Variants in ASTN2 observed in about 807,000 individuals in gnomAD.
The protein encoded by ASTN2 is astrotactin 2, also known as astrotactin-2.
Under a neutral mutation model 139.8 loss-of-function variants are expected in ASTN2, and 54 were observed. That is an observed-to-expected ratio of 0.39 (90% CI 0.31 to 0.48). The LOEUF is 0.48. Among genes scored for constraint, ASTN2 ranks in the 20% least tolerant of loss-of-function variants. The pLI is 0.95. For synonymous variants in ASTN2, 756 were observed against 719.5 expected (o/e 1.05, Z -0.81); for missense variants, 1,565 against 1,725.1 (o/e 0.91, Z 1.64).
intron 20 of ASTN2, among the ~76,000 whole-genome samples, chr9:116,472,788 C>CG (rs1848854840): frequency 6.6e-6 from 1 of 151,538 alleles, no homozygotes; most frequent in Non-Finnish European, 1.5e-5. Flanking sequence ...GTGGCGGCGG[C>CG]GGAGGGGGCA....
chr9:116,445,813 C>T (rs1463424219), intron 20 of ASTN2, among the ~76,000 whole-genome samples: 1 of 152,230 alleles, frequency 6.6e-6, no homozygotes, highest in African/African-American at 2.4e-5. Flanking sequence ...TCAATCTTTG[C>T]TCCCTAAAAG....
At chr9:117,027,121 T>A (rs999348034) in intron 6 of ASTN2, among the ~76,000 whole-genome samples, 3 of 152,140 alleles carry the variant, frequency 2.0e-5, no homozygotes, top group African/African-American at 4.8e-5. Context: ...GTGATGGCAA[T>A]TCCAATAAAA....
intron 16 of ASTN2, among the ~76,000 whole-genome samples, chr9:116,685,311 A>C (rs566423760): frequency 2.0e-5 from 3 of 152,112 alleles, no homozygotes; most frequent in Non-Finnish European, 4.4e-5. Flanking sequence ...GCTTCCCCCA[A>C]CCCACCAAGT....
intron 16 of ASTN2, among the ~76,000 whole-genome samples, chr9:116,661,029 T>C (rs879375799): frequency 1.2e-4 from 18 of 152,126 alleles, no homozygotes; most frequent in Non-Finnish European, 2.4e-4. Flanking sequence ...AGGACACCTG[T>C]CTTCAAGTGA....
chr9:116,750,145 G>T (rs1829358457), intron 13 of ASTN2, among the ~76,000 whole-genome samples: 1 of 152,078 alleles, frequency 6.6e-6, no homozygotes, highest in South Asian at 2.1e-4. Context: ...GCCTTCAGTA[G>T]ACTGGACAGC....
At chr9:117,165,751 T>A (rs1830656850) in intron 3 of ASTN2, among the ~76,000 whole-genome samples, 1 of 152,068 alleles carries the variant, frequency 6.6e-6, no homozygotes, top group Non-Finnish European at 1.5e-5. Flanking sequence ...ACGGAGCAAG[T>A]CACTTCATGC....
At chr9:117,333,896 G>A (rs1427140198) in intron 1 of ASTN2, among the ~76,000 whole-genome samples, 1 of 152,160 alleles carries the variant, frequency 6.6e-6, no homozygotes, top group Non-Finnish European at 1.5e-5. Context: ...CTAGGCCAGG[G>A]CCTGTGTTTC....
chr9:116,953,921 T>C lies in ASTN2; in HGVS notation c.1889+21287A>G, dbSNP rs558175488. On this transcript the variant is annotated intron_variant, in intron 10 of 22. Transcript: ENST00000313400. ...CAGTGGAGTAGAAGGGGTCACACAATGGGCTCAGAGACAGAGAACCTTGTG... is the reference window on the plus strand; with the variant it reads ...CAGTGGAGTAGAAGGGGTCACACAACGGGCTCAGAGACAGAGAACCTTGTG... Among the ~76,000 whole-genome samples, 70 of 152,292 alleles carry C rather than the reference T, an allele frequency of 4.6e-4. 2 individuals are homozygous for C. The highest frequency in any genetic ancestry group is 4.4e-3 in the Admixed American group (67 of 15,296).
intron 7 of ASTN2, among the ~76,000 whole-genome samples, chr9:116,983,885 C>T (rs367802808): frequency 2.0e-5 from 3 of 152,134 alleles, no homozygotes; most frequent in East Asian, 3.9e-4. Context: ...AGCTTAGAGC[C>T]AAGGGCAGCT....
rs1170791936 is a variant in ASTN2 at position 116,565,387 on chromosome 9, CCATATATATATATATATA to C, written c.3355+52919_3355+52936del. On this transcript the variant is annotated intron_variant, in intron 19 of 22. Coordinates refer to ENST00000313400, the MANE Select transcript of ASTN2 (RefSeq NM_001365068.1). ...TCTCTCTCTCTCTCTCTCTCTCTCT[CCATATATATATATATATA>C]TATATATATATATATATATATATAT... Among the ~76,000 whole-genome samples the C allele has an allele frequency of 4.4e-3, 186 of 42,092 alleles. 4 individuals are homozygous for C. The highest frequency in any genetic ancestry group is 0.042 in the Middle Eastern group (2 of 48). The allele number at this position is 42,092 out of a possible 152,430, so 27.6% of individuals were successfully genotyped here.
intron 16 of ASTN2, chr9:116,697,855 A>G (rs1209848331): frequency 6.2e-7 from 1 of 1,614,084 alleles, no homozygotes; most frequent in African/African-American, 1.3e-5. Context: ...AAGCTTCTGC[A>G]CTGTGGCCAT....
chr9:117,245,919 T>C (rs1211287436), intron 2 of ASTN2, among the ~76,000 whole-genome samples: 2 of 152,138 alleles, frequency 1.3e-5, no homozygotes, highest in African/African-American at 4.8e-5. Flanking sequence ...TAGAATCCTG[T>C]GTTTCATGTA....
intron 19 of ASTN2, among the ~76,000 whole-genome samples, chr9:116,535,342 G>A (rs57434747): frequency 0.012 from 1,852 of 152,192 alleles, 32 homozygotes; most frequent in African/African-American, 0.043. Context: ...CTTTTAATTG[G>A]AGCATTTAGC....
chr9:116,527,099 C>T (rs1851127637), intron 19 of ASTN2, among the ~76,000 whole-genome samples: 2 of 152,078 alleles, frequency 1.3e-5, no homozygotes, highest in Non-Finnish European at 2.9e-5. Context: ...TAGAAGAAAA[C>T]AGTGGAAAAG....
intron 16 of ASTN2, among the ~76,000 whole-genome samples, chr9:116,683,090 G>T (rs1329307838): frequency 1.3e-5 from 2 of 151,542 alleles, no homozygotes; most frequent in Admixed American, 1.3e-4. Context: ...GCCCTAAAAT[G>T]TTTTTGTCAT....
chr9:116,455,790 A>G (rs1848314960), intron 20 of ASTN2, among the ~76,000 whole-genome samples: 1 of 152,042 alleles, frequency 6.6e-6, no homozygotes, highest in South Asian at 2.1e-4. Context: ...AATACAATCT[A>G]TTTTTGTAGA....
chr9:116,937,877 A>G (rs1013298700), intron 10 of ASTN2, among the ~76,000 whole-genome samples: 1 of 152,196 alleles, frequency 6.6e-6, no homozygotes, highest in African/African-American at 2.4e-5. Context: ...CATAAAGTTC[A>G]CTGTCTAACA....
At position 116,780,836 on chromosome 9, in the gene ASTN2, T is replaced by C. The variant is rs973645507; in HGVS notation, c.2396+24796A>G. ...GAATGAGTGAATGAATGAATGAATG[T>C]CAAATTCTTTTTTTTTTTTTGAGAT... is the stretch of plus-strand genomic sequence containing the variant. On this transcript the variant is annotated intron_variant, in intron 13 of 22. Coordinates refer to ENST00000313400, the MANE Select transcript of ASTN2 (RefSeq NM_001365068.1). Among the ~76,000 whole-genome samples the C allele has an allele frequency of 3.7e-5, 4 of 108,306 alleles. 1 individual carries two copies. Among genetic ancestry groups the C allele is most frequent in the Non-Finnish European group, 7.6e-5 (4 of 52,686 alleles). 71.1% of individuals were successfully genotyped at this position (108,306 alleles called of 152,430 possible).
In ASTN2 at chr9:117,404,032, A is replaced by G. The variant is rs149398195; in HGVS notation, c.442+10465T>C. On this transcript the variant is annotated intron_variant, in intron 1 of 22. Transcript: ENST00000313400. ...ATTCATACCTCCACCTCCTTCCAAA[A>G]AAAGGATTCCAGGTGGCGAAGAGGC... 1.5e-3 allele frequency among the ~76,000 whole-genome samples: 228 copies of G among 152,244 alleles called. 1 individual carries two copies. Among genetic ancestry groups the G allele is most frequent in the African/African-American group, 5.3e-3 (221 of 41,534 alleles).
Sources: gnomAD v4.1 joint callset for allele counts (sites outside exome capture counted in the v4.1 genomes callset) on GRCh38, gnomAD v4.1.1 for gene constraint, MANE v1.5 for transcripts, NCBI Gene and HGNC (gene_info 2026-07-23, HGNC 2026-07-21) for gene names.